The following TAFA1 variants were observed in gnomAD, a reference collection of about 807,000 sequenced individuals.
TAFA1 encodes chemokine-like protein TAFA-1.
TAFA1 carries 4 observed loss-of-function variants against 18.5 expected under a neutral mutation model. That is an observed-to-expected ratio of 0.22 (90% CI 0.11 to 0.49). The LOEUF is 0.49. Among genes scored for constraint, TAFA1 ranks in the 20% least tolerant of loss-of-function variants. TAFA1 has a pLI of 0.98. For synonymous variants in TAFA1, 56 were observed against 55.2 expected (o/e 1.01, Z -0.06); for missense variants, 147 against 169.0 (o/e 0.87, Z 0.72).
chr3:68,502,521 A>G (rs539053807), intron 3 of TAFA1, among the ~76,000 whole-genome samples: 1 of 152,238 alleles, frequency 6.6e-6, no homozygotes, highest in South Asian at 2.1e-4. Flanking sequence ...ACACAGATGA[A>G]TGTAGACAGT....
At chr3:68,215,960 G>C (rs1313059121) in intron 2 of TAFA1, among the ~76,000 whole-genome samples, 1 of 152,014 alleles carries the variant, frequency 6.6e-6, no homozygotes, top group African/African-American at 2.4e-5. Flanking sequence ...CACTCATCCA[G>C]TGGAATGTTA....
chr3:68,120,845 G>A (rs1399764798), intron 2 of TAFA1, among the ~76,000 whole-genome samples: 2 of 152,138 alleles, frequency 1.3e-5, no homozygotes, highest in Non-Finnish European at 2.9e-5. Flanking sequence ...AGAACTGTCT[G>A]AAATACTAAA....
chr3:68,071,732 G>T (rs1448524337), intron 2 of TAFA1, among the ~76,000 whole-genome samples: 1 of 152,188 alleles, frequency 6.6e-6, no homozygotes, highest in African/African-American at 2.4e-5. Flanking sequence ...TCATGGTTCT[G>T]CAGACTTTAC....
rs868597131 is a variant in TAFA1 at position 68,362,088 on chromosome 3, T to A, written c.119-55192T>A. Among the ~76,000 whole-genome samples the A allele has an allele frequency of 1.1e-4, 17 of 152,250 alleles. 2 individuals carry two copies. The South Asian group carries it at 3.5e-3, about 32-fold the overall frequency. ...TGGAGAATCAAGCAATAAGGTTGGG[T>A]TGGGTTTTGTTGGTATGGAGTTTAT... On this transcript the variant is annotated intron_variant, in intron 2 of 4. Transcript: ENST00000478136.
chr3:68,006,481 TGA>T (rs1177585527), intron 1 of TAFA1, 141 bp from the exon 2 acceptor site: 1 of 623,628 alleles, frequency 1.6e-6, no homozygotes, highest in Non-Finnish European at 2.9e-6. Context: ...CTTCATGGCA[TGA>T]CCTCTGCTGG....
intron 3 of TAFA1, among the ~76,000 whole-genome samples, chr3:68,452,452 G>A (rs2071580162): frequency 6.7e-6 from 1 of 149,882 alleles, no homozygotes; most frequent in South Asian, 2.1e-4. Flanking sequence ...AAACCCAGGA[G>A]GAGGAGGTTG....
chr3:68,193,347 C>T (rs1430812775), intron 2 of TAFA1, among the ~76,000 whole-genome samples: 2 of 151,416 alleles, frequency 1.3e-5, no homozygotes, highest in African/African-American at 2.4e-5. Flanking sequence ...AGCATTGTCC[C>T]CTAACTGTAA....
At chr3:68,340,853 C>T (rs537131882) in intron 2 of TAFA1, among the ~76,000 whole-genome samples, 1 of 152,266 alleles carries the variant, frequency 6.6e-6, no homozygotes, top group South Asian at 2.1e-4. Flanking sequence ...GACCTGTATT[C>T]ACATTTCCTT....
chr3:68,149,019 A>C (rs1380469383), intron 2 of TAFA1, among the ~76,000 whole-genome samples: 1 of 152,220 alleles, frequency 6.6e-6, no homozygotes, highest in Non-Finnish European at 1.5e-5. Context: ...TGCTGCTATT[A>C]TTATGTCTAC....
intron 3 of TAFA1, among the ~76,000 whole-genome samples, chr3:68,520,282 G>A (rs1435138810): frequency 2.0e-5 from 3 of 152,180 alleles, no homozygotes; most frequent in Non-Finnish European, 2.9e-5. Flanking sequence ...CTCAAGTAGA[G>A]ATAGATTTCA....
intron 2 of TAFA1, among the ~76,000 whole-genome samples, chr3:68,231,810 C>G (rs2066875722): frequency 6.6e-6 from 1 of 152,088 alleles, no homozygotes; most frequent in Non-Finnish European, 1.5e-5. Flanking sequence ...TTCCATCATC[C>G]CAGAAAGGTT....
At chr3:68,105,722 A>G (rs1398783160) in intron 2 of TAFA1, among the ~76,000 whole-genome samples, 1 of 152,118 alleles carries the variant, frequency 6.6e-6, no homozygotes, top group Non-Finnish European at 1.5e-5. Flanking sequence ...TTTGCCACTA[A>G]CAGAGGATCA....
chr3:68,382,725 AT>A (rs936345940), intron 2 of TAFA1, among the ~76,000 whole-genome samples: 1 of 151,960 alleles, frequency 6.6e-6, no homozygotes. Flanking sequence ...TTAAAATACT[AT>A]TTTCTAGTTC....
chr3:68,223,604 G>C (rs545607258), intron 2 of TAFA1, among the ~76,000 whole-genome samples: 1 of 151,776 alleles, frequency 6.6e-6, no homozygotes, highest in Admixed American at 6.6e-5. Context: ...TACCTACAGA[G>C]AGGCACAATA....
chr3:68,109,514 AAAAAATTAAATAGAGT>A (rs371287031), intron 2 of TAFA1, among the ~76,000 whole-genome samples: 2 of 152,202 alleles, frequency 1.3e-5, no homozygotes, highest in African/African-American at 4.8e-5. Flanking sequence ...AATGCTATGT[AAAAAATTAAATAGAGT>A]AATGCACAAG....
chr3:68,288,038 T>C (rs937647175), intron 2 of TAFA1, among the ~76,000 whole-genome samples: 5 of 152,078 alleles, frequency 3.3e-5, no homozygotes, highest in Admixed American at 6.6e-5. Context: ...TTCCTGTTAG[T>C]GAAGCGCTTT....
chr3:68,422,777 A>T (rs1166890261), intron 3 of TAFA1, among the ~76,000 whole-genome samples: 1 of 152,144 alleles, frequency 6.6e-6, no homozygotes, highest in East Asian at 1.9e-4. Context: ...TTATAAAAGC[A>T]TTATATCCTT....
intron 2 of TAFA1, among the ~76,000 whole-genome samples, chr3:68,275,047 T>C (rs1412524407): frequency 6.6e-6 from 1 of 152,130 alleles, no homozygotes; most frequent in Non-Finnish European, 1.5e-5. Context: ...TTGTATTATA[T>C]TTTATTTTTA....
chr3:68,001,498 T>C (rs570418916), upstream of TAFA1, among the ~76,000 whole-genome samples: 3 of 152,256 alleles, frequency 2.0e-5, no homozygotes, highest in Admixed American at 6.5e-5. Context: ...AGCCTCTCTT[T>C]CCAACTGTGT....
Sources: allele counts gnomAD v4.1 joint callset (sites outside exome capture counted in the v4.1 genomes callset), GRCh38; gene constraint gnomAD v4.1.1; transcripts MANE v1.5; gene names NCBI Gene and HGNC (gene_info 2026-07-23, HGNC 2026-07-21).